Variants in FRMPD4 observed in about 807,000 individuals in gnomAD.
The protein encoded by FRMPD4 is FERM and PDZ domain-containing protein 4.
Under a neutral mutation model 94.1 loss-of-function variants are expected in FRMPD4, and 22 were observed. That is an observed-to-expected ratio of 0.23 (90% CI 0.17 to 0.33). The LOEUF (loss-of-function observed/expected upper bound fraction) is 0.33, where lower values mean the gene tolerates loss of function less well. Ranked by LOEUF, FRMPD4 falls within the 10% of genes least tolerant of loss-of-function variation. The pLI is 1.00. For synonymous variants in FRMPD4, 631 were observed against 548.6 expected, an observed-to-expected ratio of 1.15 and a Z score of -2.10; for missense variants, 1,111 against 1,339.9, an observed-to-expected ratio of 0.83 and a Z score of 2.67.
chrX:12,114,425 C>A (rs192508904), intron 3 of FRMPD4, among the ~76,000 whole-genome samples: 1 of 112,317 alleles, frequency 8.9e-6, no homozygotes, highest in East Asian at 2.8e-4. Flanking sequence ...ATTAATCTCT[C>A]TCTTCCAGAG....
chrX:12,384,605 C>A (rs1274966080), intron 1 of FRMPD4, among the ~76,000 whole-genome samples: 3 of 111,785 alleles, frequency 2.7e-5, no homozygotes, highest in Non-Finnish European at 5.6e-5. Flanking sequence ...TATCCCTGGA[C>A]AAGGAGGAAA....
chrX:11,857,976 G>C (rs1467278326), intron 1 of FRMPD4, among the ~76,000 whole-genome samples: 1 of 112,062 alleles, frequency 8.9e-6, no homozygotes. Context: ...CTGAGCATTA[G>C]AGAAATGCAA....
In FRMPD4 at chrX:12,676,432, T is replaced by C. The variant is rs1480706261; in HGVS notation, c.468+1524T>C. 3.5e-5 allele frequency among the ~76,000 whole-genome samples: 4 copies of C among 112,880 alleles called. No homozygotes were observed. The Admixed American group carries it at 3.7e-4, about 11-fold the overall frequency. ...TAATAAGCATCGAACAACTATAAAT[T>C]GAGATTGAACAACTATAAATTCCTG... On this transcript the variant is annotated intron_variant, in intron 5 of 16. Coordinates refer to ENST00000675598, the MANE Select transcript of FRMPD4 (RefSeq NM_001368397.1).
chrX:12,367,178 G>A (rs1247598567), intron 1 of FRMPD4, among the ~76,000 whole-genome samples: 1 of 111,774 alleles, frequency 8.9e-6, no homozygotes, highest in Non-Finnish European at 1.9e-5. Flanking sequence ...GGAAGAACAG[G>A]ATGACTAGAA....
intron 1 of FRMPD4, among the ~76,000 whole-genome samples, chrX:12,296,023 G>A (rs1040793910): frequency 5.4e-5 from 6 of 110,826 alleles, no homozygotes; most frequent in African/African-American, 2.0e-4. Flanking sequence ...AGTGGGGGGT[G>A]ATGTAGGGTC....
intron 1 of FRMPD4, among the ~76,000 whole-genome samples, chrX:12,291,598 G>A (rs1411520594): frequency 8.9e-6 from 1 of 111,996 alleles, no homozygotes; most frequent in Non-Finnish European, 1.9e-5. Context: ...TTTTATGAAT[G>A]ATCTTTTCTC....
At chrX:12,144,474 G>C (rs1471871320) in intron 1 of FRMPD4, among the ~76,000 whole-genome samples, 4 of 108,963 alleles carry the variant, frequency 3.7e-5, no homozygotes, top group Non-Finnish European at 1.9e-5. Flanking sequence ...AGATGAGAAG[G>C]GTTTTCTGCC....
chrX:11,831,065 A>G (rs2053471933), intron 1 of FRMPD4, among the ~76,000 whole-genome samples: 1 of 109,980 alleles, frequency 9.1e-6, no homozygotes, highest in African/African-American at 3.3e-5. Flanking sequence ...TAAAGCACAT[A>G]CTATCTAGTG....
chrX:11,968,802 C>T (rs1450463431), intron 3 of FRMPD4, among the ~76,000 whole-genome samples: 1 of 112,155 alleles, frequency 8.9e-6, no homozygotes, highest in African/African-American at 3.2e-5. Context: ...GGTATGTTTA[C>T]ATTGTTATTA....
chrX:12,088,287 C>T (rs2055126798), intron 3 of FRMPD4, among the ~76,000 whole-genome samples: 2 of 111,895 alleles, frequency 1.8e-5, no homozygotes, highest in African/African-American at 6.5e-5. Flanking sequence ...CATGTCTTCA[C>T]ACCGTGAAAG....
chrX:12,710,464 C>T lies in FRMPD4; in HGVS notation c.1536C>T (p.Tyr512=). The T allele has an allele frequency of 8.3e-7, 1 of 1,202,337 alleles. No homozygotes were observed. The highest frequency in any genetic ancestry group is 1.1e-6 in the Non-Finnish European group (1 of 887,269). The part of the protein sequence containing the change: ...MNLACLTAGY[Y]RLLVDSRRSI... ...TGGCCTGCTTGACGGCTGGATACTACCGGCTGCTTGTTGATTCCAGGAGGT... is the reference window on the plus strand; with the variant it reads ...TGGCCTGCTTGACGGCTGGATACTATCGGCTGCTTGTTGATTCCAGGAGGT... The change falls in exon 14 of 17, where the codon TAC becomes TAT. Residue 512 remains tyrosine, a synonymous_variant. Transcript: ENST00000675598.
At chrX:12,617,223 G>GT (rs749724911) in intron 4 of FRMPD4, among the ~76,000 whole-genome samples, 1 of 111,894 alleles carries the variant, frequency 8.9e-6, no homozygotes, top group African/African-American at 3.2e-5. Flanking sequence ...AGAAAGGTAG[G>GT]TTTTTTTATA....
chrX:12,413,535 C>T (rs968997976), intron 1 of FRMPD4, among the ~76,000 whole-genome samples: 1 of 111,921 alleles, frequency 8.9e-6, no homozygotes, highest in African/African-American at 3.3e-5. Flanking sequence ...AGTGTTCAAA[C>T]CCACGTTGTG....
At chrX:11,953,244 C>T (rs1426406975) in intron 3 of FRMPD4, among the ~76,000 whole-genome samples, 1 of 111,699 alleles carries the variant, frequency 9.0e-6, no homozygotes, top group Non-Finnish European at 1.9e-5. Context: ...TTGTCAATGT[C>T]ATTGCAAATA....
intron 3 of FRMPD4, among the ~76,000 whole-genome samples, chrX:12,101,341 C>T (rs2055254033): frequency 9.0e-6 from 1 of 111,234 alleles, no homozygotes. Flanking sequence ...GTCTTTAGCA[C>T]ATCTTCATCT....
chrX:12,517,926 A>G (rs73438776), intron 2 of FRMPD4, among the ~76,000 whole-genome samples: 30 of 112,479 alleles, frequency 2.7e-4, no homozygotes, highest in African/African-American at 8.7e-4. Flanking sequence ...TCCTACAGGT[A>G]GGCCCCGCCC....
intron 1 of FRMPD4, among the ~76,000 whole-genome samples, chrX:12,332,972 G>A (rs775782863): frequency 9.0e-6 from 1 of 111,695 alleles, no homozygotes; most frequent in East Asian, 2.8e-4. Context: ...TTAAATACCT[G>A]CAACTTGTCA....
At chrX:12,099,077 G>C (rs1406531085) in intron 3 of FRMPD4, among the ~76,000 whole-genome samples, 1 of 74,262 alleles carries the variant, frequency 1.3e-5, no homozygotes, top group South Asian at 1.2e-3. Flanking sequence ...GTGGGGGGAG[G>C]GGGGAGGGGG....
chrX:12,477,425 G>A (rs2057616997), intron 1 of FRMPD4, among the ~76,000 whole-genome samples: 1 of 112,138 alleles, frequency 8.9e-6, no homozygotes, highest in African/African-American at 3.2e-5. Flanking sequence ...TGCACGTTGT[G>A]CACATGTACC....
Sources: gnomAD v4.1 joint callset for allele counts (sites outside exome capture counted in the v4.1 genomes callset) on GRCh38, gnomAD v4.1.1 for gene constraint, MANE v1.5 for transcripts, NCBI Gene and HGNC (gene_info 2026-07-23, HGNC 2026-07-21) for gene names.